NTM: variants seen among roughly 807,000 people sequenced by gnomAD.
NTM encodes the protein neurotrimin.
Under a neutral mutation model 42.1 loss-of-function variants are expected in NTM, and 13 were observed. The ratio of observed to expected loss-of-function variants is 0.31; its 90% CI spans 0.20 to 0.49. NTM has a LOEUF of 0.49. Ranked by LOEUF, NTM falls within the 20% of genes least tolerant of loss-of-function variation. The probability of loss-of-function intolerance (pLI) is 0.99; values close to 1 mark genes in which losing one functional copy is unlikely to be tolerated. For synonymous variants in NTM, 187 were observed against 179.2 expected, an observed-to-expected ratio of 1.04 and a Z score of -0.35; for missense variants, 373 against 452.8, an observed-to-expected ratio of 0.82 and a Z score of 1.60.
intron 1 of NTM, among the ~76,000 whole-genome samples, chr11:131,419,390 A>G (rs952620889): frequency 5.3e-5 from 8 of 152,176 alleles, no homozygotes; most frequent in African/African-American, 1.9e-4. Flanking sequence ...AGAATAAGAC[A>G]GGGGTAGAGG....
chr11:132,197,744 C>A (rs908582143), intron 3 of NTM, among the ~76,000 whole-genome samples: 4 of 148,286 alleles, frequency 2.7e-5, no homozygotes, highest in Non-Finnish European at 5.9e-5. Flanking sequence ...TGAGAACATG[C>A]GGTGTTTGCT....
At chr11:132,274,931 A>G (rs1437962584) in intron 4 of NTM, among the ~76,000 whole-genome samples, 1 of 152,158 alleles carries the variant, frequency 6.6e-6, no homozygotes, top group African/African-American at 2.4e-5. Context: ...CCCATTTTCA[A>G]ATAAAATGCA....
intron 1 of NTM, among the ~76,000 whole-genome samples, chr11:131,733,379 G>A (rs2079942898): frequency 2.0e-5 from 3 of 151,428 alleles, no homozygotes; most frequent in African/African-American, 7.3e-5. Context: ...TTCATTTCCT[G>A]GATTTTCCCC....
chr11:132,041,256 AG>A (rs2077162471), intron 2 of NTM, among the ~76,000 whole-genome samples: 1 of 150,198 alleles, frequency 6.7e-6, no homozygotes, highest in Non-Finnish European at 1.5e-5. Flanking sequence ...AGAGAGAGAG[AG>A]AAAGTGAGAA....
chr11:132,174,250 T>C (rs1480660831), intron 3 of NTM, among the ~76,000 whole-genome samples: 2 of 152,240 alleles, frequency 1.3e-5, no homozygotes, highest in African/African-American at 4.8e-5. Flanking sequence ...CACTTAAGTT[T>C]TCTGGGCCTC....
At chr11:131,560,982 A>G (rs1457192483) in intron 1 of NTM, among the ~76,000 whole-genome samples, 1 of 152,220 alleles carries the variant, frequency 6.6e-6, no homozygotes, top group Non-Finnish European at 1.5e-5. Context: ...GGGCAGCAAG[A>G]TTCCGGGTGG....
At chr11:132,325,802 T>C (rs2095666779) in intron 7 of NTM, among the ~76,000 whole-genome samples, 1 of 152,056 alleles carries the variant, frequency 6.6e-6, no homozygotes, top group South Asian at 2.1e-4. Flanking sequence ...ATTAAGAAAA[T>C]GTGGCACATA....
At chr11:131,658,165 C>A (rs2067449614) in intron 1 of NTM, among the ~76,000 whole-genome samples, 1 of 152,144 alleles carries the variant, frequency 6.6e-6, no homozygotes, top group Non-Finnish European at 1.5e-5. Flanking sequence ...ATCTTAGTTC[C>A]ATTTCTTCCA....
At chr11:132,015,959 A>C (rs934406528) in intron 2 of NTM, among the ~76,000 whole-genome samples, 2 of 151,952 alleles carry the variant, frequency 1.3e-5, no homozygotes, top group Non-Finnish European at 2.9e-5. Context: ...ACTATGTTGA[A>C]TAGGAGTAGT....
At chr11:131,524,205 C>A (rs538013838) in intron 1 of NTM, among the ~76,000 whole-genome samples, 97 of 152,214 alleles carry the variant, frequency 6.4e-4, no homozygotes, top group Non-Finnish European at 1.1e-3. Context: ...TCACGCCTTG[C>A]TGCTGTGGAA....
At chr11:131,444,046 A>G (rs975572588) in intron 1 of NTM, among the ~76,000 whole-genome samples, 15 of 152,172 alleles carry the variant, frequency 9.9e-5, no homozygotes, top group Non-Finnish European at 5.9e-5. Context: ...TTGCGTTATT[A>G]AATTGCAAGT....
intron 4 of NTM, among the ~76,000 whole-genome samples, chr11:132,259,084 C>T (rs1318277646): frequency 6.6e-6 from 1 of 152,148 alleles, no homozygotes; most frequent in Non-Finnish European, 1.5e-5. Flanking sequence ...CTCTGTGAGT[C>T]ACTGCTAGAT....
At chr11:131,832,776 G>T (rs1441063486) in intron 1 of NTM, among the ~76,000 whole-genome samples, 1 of 152,194 alleles carries the variant, frequency 6.6e-6, no homozygotes, top group Non-Finnish European at 1.5e-5. Context: ...AGGTGTATGT[G>T]TATATGTATG....
At chr11:132,134,575 T>A (rs946649961) in intron 2 of NTM, among the ~76,000 whole-genome samples, 1 of 150,902 alleles carries the variant, frequency 6.6e-6, no homozygotes, top group Admixed American at 6.6e-5. Flanking sequence ...TATAGGAATA[T>A]ATATGACTCA....
intron 1 of NTM, among the ~76,000 whole-genome samples, chr11:131,604,442 T>C (rs1353666853): frequency 6.6e-6 from 1 of 152,170 alleles, no homozygotes; most frequent in Non-Finnish European, 1.5e-5. Context: ...TTATTAACTA[T>C]ATTGTTTGCA....
chr11:131,461,109 G>T (rs1032513350), intron 1 of NTM, among the ~76,000 whole-genome samples: 1 of 152,178 alleles, frequency 6.6e-6, no homozygotes, highest in Non-Finnish European at 1.5e-5. Context: ...GGTATCGGTT[G>T]CAAAAGCTAC....
At chr11:132,300,674 C>T (rs929012848) in intron 4 of NTM, among the ~76,000 whole-genome samples, 4 of 152,200 alleles carry the variant, frequency 2.6e-5, no homozygotes, top group Admixed American at 2.6e-4. Context: ...ATGTGGGTAG[C>T]TCCCATGTCC....
intron 3 of NTM, among the ~76,000 whole-genome samples, chr11:132,188,851 C>T (rs1304707556): frequency 2.6e-5 from 4 of 152,220 alleles, no homozygotes; most frequent in African/African-American, 4.8e-5. Context: ...TGGGCTGTCT[C>T]CACTGACCCT....
chr11:131,596,944 C>A (rs1026090461), intron 1 of NTM, among the ~76,000 whole-genome samples: 27 of 152,292 alleles, frequency 1.8e-4, no homozygotes, highest in African/African-American at 5.8e-4. Context: ...TCTGATGTTC[C>A]AGGGCAGGAA....
Sources: gnomAD v4.1 joint callset for allele counts (sites outside exome capture counted in the v4.1 genomes callset) on GRCh38, gnomAD v4.1.1 for gene constraint, MANE v1.5 for transcripts, NCBI Gene and HGNC (gene_info 2026-07-23, HGNC 2026-07-21) for gene names.